SPOCK1: variants seen among roughly 807,000 people sequenced by gnomAD.
SPOCK1 encodes the protein testican-1.
A neutral mutation model predicts 55.3 loss-of-function variants in SPOCK1; 23 were observed. The observed-to-expected ratio is 0.42, with a 90% CI of 0.30 to 0.59. SPOCK1 has a LOEUF of 0.59. Ranked by LOEUF, SPOCK1 falls within the 20% of genes least tolerant of loss-of-function variation. The pLI is 0.22. For synonymous variants in SPOCK1, 226 were observed against 221.0 expected, an observed-to-expected ratio of 1.02 and a Z score of -0.20; for missense variants, 499 against 552.5, an observed-to-expected ratio of 0.90 and a Z score of 0.97.
intron 4 of SPOCK1, among the ~76,000 whole-genome samples, chr5:137,129,064 A>C (rs1487975241): frequency 6.6e-5 from 10 of 152,220 alleles, no homozygotes; most frequent in African/African-American, 2.4e-4. Context: ...CTCCAACTGA[A>C]AGCCACACAA....
At chr5:137,422,220 T>C (rs1452613374) in intron 2 of SPOCK1, among the ~76,000 whole-genome samples, 1 of 152,208 alleles carries the variant, frequency 6.6e-6, no homozygotes, top group Non-Finnish European at 1.5e-5. Flanking sequence ...CCTTAACATT[T>C]TTTCCTTCAT....
At chr5:137,001,680 T>C (rs1022810585) in intron 6 of SPOCK1, among the ~76,000 whole-genome samples, 1 of 152,192 alleles carries the variant, frequency 6.6e-6, no homozygotes, top group Non-Finnish European at 1.5e-5. Context: ...ATCCCCTGCT[T>C]TTTCATCTGT....
intron 2 of SPOCK1, among the ~76,000 whole-genome samples, chr5:137,364,514 G>C (rs1172684148): frequency 1.3e-5 from 2 of 152,168 alleles, no homozygotes; most frequent in African/African-American, 2.4e-5. Context: ...TTTGCATGAG[G>C]GTCCCACAGC....
intron 2 of SPOCK1, among the ~76,000 whole-genome samples, chr5:137,288,066 C>G (rs1056256417): frequency 2.6e-5 from 4 of 152,152 alleles, no homozygotes; most frequent in Non-Finnish European, 5.9e-5. Context: ...GTAACAGTTC[C>G]AGAGAGACTT....
intron 6 of SPOCK1, among the ~76,000 whole-genome samples, chr5:137,031,678 C>A (rs1313712843): frequency 6.6e-6 from 1 of 152,172 alleles, no homozygotes; most frequent in African/African-American, 2.4e-5. Context: ...ACACTCACAG[C>A]CTGCACTGTG....
chr5:137,117,720 A>G (rs949644507), intron 4 of SPOCK1, among the ~76,000 whole-genome samples: 3 of 152,154 alleles, frequency 2.0e-5, no homozygotes, highest in Non-Finnish European at 4.4e-5. Context: ...AGACTATGAA[A>G]AAAAAAAACC....
chr5:137,394,308 C>T (rs1225921825), intron 2 of SPOCK1, among the ~76,000 whole-genome samples: 1 of 152,178 alleles, frequency 6.6e-6, no homozygotes, highest in African/African-American at 2.4e-5. Flanking sequence ...TACACAGTCC[C>T]GTAGTACTTA....
chr5:137,308,084 T>C (rs990980161), intron 2 of SPOCK1, among the ~76,000 whole-genome samples: 2 of 152,202 alleles, frequency 1.3e-5, no homozygotes, highest in African/African-American at 2.4e-5. Flanking sequence ...CTGTTAGCCT[T>C]CCTATTATCT....
chr5:137,213,835 A>G (rs1755663242), intron 3 of SPOCK1, among the ~76,000 whole-genome samples: 1 of 152,224 alleles, frequency 6.6e-6, no homozygotes, highest in Non-Finnish European at 1.5e-5. Flanking sequence ...GTATACAGCA[A>G]GGCCCTGGAA....
At chr5:137,194,972 A>G (rs1324398141) in intron 3 of SPOCK1, among the ~76,000 whole-genome samples, 1 of 152,164 alleles carries the variant, frequency 6.6e-6, no homozygotes, top group East Asian at 1.9e-4. Flanking sequence ...ACGTGCTGAG[A>G]GCAGCCACTC....
At chr5:137,420,329 T>C (rs1752458793) in intron 2 of SPOCK1, among the ~76,000 whole-genome samples, 1 of 152,188 alleles carries the variant, frequency 6.6e-6, no homozygotes, top group East Asian at 1.9e-4. Flanking sequence ...TTAGGGAGGA[T>C]TTCCTCTTTT....
At chr5:137,337,637 G>A (rs1750311838) in intron 2 of SPOCK1, among the ~76,000 whole-genome samples, 1 of 152,194 alleles carries the variant, frequency 6.6e-6, no homozygotes, top group Non-Finnish European at 1.5e-5. Context: ...AAGGCAAGGA[G>A]CAAGTATCAA....
intron 2 of SPOCK1, among the ~76,000 whole-genome samples, chr5:137,274,133 G>A (rs895011323): frequency 8.5e-5 from 13 of 152,156 alleles, no homozygotes; most frequent in African/African-American, 3.1e-4. Context: ...CTTTTCTTCT[G>A]GGGATATGAA....
chr5:137,347,459 G>GT (rs530037744), intron 2 of SPOCK1, among the ~76,000 whole-genome samples: 153 of 152,280 alleles, frequency 1.0e-3, no homozygotes, highest in African/African-American at 3.5e-3. Context: ...GCCGGACATG[G>GT]TGGCTCATGC....
chr5:137,258,693 A>C (rs957980530), intron 3 of SPOCK1, among the ~76,000 whole-genome samples: 1 of 152,204 alleles, frequency 6.6e-6, no homozygotes, highest in African/African-American at 2.4e-5. Context: ...CTTTTATACA[A>C]CTAACACCAC....
intron 4 of SPOCK1, among the ~76,000 whole-genome samples, chr5:137,124,828 CACAAAGAGAGGAAG>C: frequency 6.6e-6 from 1 of 152,260 alleles, no homozygotes; most frequent in Non-Finnish European, 1.5e-5. Flanking sequence ...AGTCACTTTG[CACAAAGAGAGGAAG>C]ACAAAGAGAG....
chr5:137,022,079 C>T (rs1012204201), intron 6 of SPOCK1, among the ~76,000 whole-genome samples: 8 of 152,018 alleles, frequency 5.3e-5, no homozygotes, highest in African/African-American at 1.9e-4. Context: ...GCTTTGTGAC[C>T]GACCTACAGA....
At chr5:137,147,525 G>A (rs1754220988) in intron 3 of SPOCK1, among the ~76,000 whole-genome samples, 1 of 152,182 alleles carries the variant, frequency 6.6e-6, no homozygotes, top group Non-Finnish European at 1.5e-5. Flanking sequence ...CTGGCTTGCA[G>A]CCAGCCAGCT....
chr5:137,193,970 A>G (rs909223592), intron 3 of SPOCK1, among the ~76,000 whole-genome samples: 1 of 152,068 alleles, frequency 6.6e-6, no homozygotes, highest in African/African-American at 2.4e-5. Context: ...CGTGGCAATC[A>G]TGTAGGTAAC....
Sources: allele counts gnomAD v4.1 joint callset (sites outside exome capture counted in the v4.1 genomes callset), GRCh38; gene constraint gnomAD v4.1.1; transcripts MANE v1.5; gene names NCBI Gene and HGNC (gene_info 2026-07-23, HGNC 2026-07-21).